Variants in DNAH8 observed in about 807,000 individuals in gnomAD.
The protein encoded by DNAH8 is dynein axonemal heavy chain 8.
Under a neutral mutation model 562.1 loss-of-function variants are expected in DNAH8, and 382 were observed. That is an observed-to-expected ratio of 0.68 (90% CI 0.63 to 0.74). DNAH8 has a LOEUF of 0.74. Among genes scored for constraint, DNAH8 ranks in the 30% least tolerant of loss-of-function variants. The pLI is 0.00. For missense variants in DNAH8, 5,203 were observed against 5,620.4 expected, an observed-to-expected ratio of 0.93 and a Z score of 2.37; for synonymous variants, 1,881 against 1,919.4, an observed-to-expected ratio of 0.98 and a Z score of 0.52.
chr6:38,835,292 C>T (rs531381530), intron 32 of DNAH8, among the ~76,000 whole-genome samples: 23 of 149,604 alleles, frequency 1.5e-4, no homozygotes, highest in African/African-American at 5.0e-4. Context: ...TTTCATGTCC[C>T]CTTTCCCACC....
At chr6:38,987,812 C>T (rs182519810) in intron 87 of DNAH8, among the ~76,000 whole-genome samples, 32 of 152,312 alleles carry the variant, frequency 2.1e-4, no homozygotes, top group Admixed American at 5.9e-4. Flanking sequence ...ATTTCTCTGT[C>T]TAGCTTGGAC....
chr6:38,723,280 C>G, intron 2 of DNAH8, 57 bp from the exon 3 acceptor site: 1 of 1,576,644 alleles, frequency 6.3e-7, no homozygotes, highest in Non-Finnish European at 8.6e-7. Flanking sequence ...AAGTATGAAA[C>G]AGTTTGATAT....
At chr6:38,774,614 G>A (rs1767891305) in intron 12 of DNAH8, among the ~76,000 whole-genome samples, 1 of 152,206 alleles carries the variant, frequency 6.6e-6, no homozygotes, top group Non-Finnish European at 1.5e-5. Context: ...CAACAAAATA[G>A]AGGACATGTT....
At chr6:38,719,855 C>T (rs950710586) in intron 1 of DNAH8, among the ~76,000 whole-genome samples, 1 of 152,130 alleles carries the variant, frequency 6.6e-6, no homozygotes, top group Non-Finnish European at 1.5e-5. Context: ...AAAAATGCAC[C>T]CTGACATTGT....
rs554146382 is a variant in DNAH8, at chr6:38,745,067, G to A, written c.1293+3180G>A. Among the ~76,000 whole-genome samples, 5 of 152,290 alleles carry A rather than the reference G, an allele frequency of 3.3e-5. No homozygotes were observed. In the South Asian group the frequency reaches 1.0e-3, roughly 32 times the overall value. ...TCTCTCAGAGTTGTGTTTGCAGTGAGCAACCTTGAGGGGTCAGTTCACGTG... is the reference window on the plus strand; with the variant it reads ...TCTCTCAGAGTTGTGTTTGCAGTGAACAACCTTGAGGGGTCAGTTCACGTG... On this transcript the variant is annotated intron_variant, in intron 8 of 92. Transcript: ENST00000327475.
intron 79 of DNAH8, among the ~76,000 whole-genome samples, chr6:38,941,450 A>G (rs1783449432): frequency 1.3e-5 from 2 of 152,266 alleles, no homozygotes; most frequent in African/African-American, 4.8e-5. Context: ...TCATGAACAC[A>G]GGTTTTATTT....
chr6:38,815,622 A>G lies in DNAH8; in HGVS notation c.3488A>G (p.His1163Arg). 1 of 1,613,436 alleles carries G rather than the reference A, an allele frequency of 6.2e-7. No homozygotes were observed. Among genetic ancestry groups the G allele is most frequent in the Non-Finnish European group, 8.5e-7 (1 of 1,179,526 alleles). Residue 1163 changes from histidine to arginine, a missense_variant, in exon 26 of 93, where the codon CAT becomes CGT. Transcript: ENST00000327475. ...AGCCCCACCACTACTGACGTGACCC[A>G]TCAAAACACAGGAAAACTGCTGAAG... ...IPSPTTTDVTHQNTGKLLKKE... is the reference protein window; with the variant it reads ...IPSPTTTDVTRQNTGKLLKKE...
chr6:38,785,450 A>G (rs551712819), intron 17 of DNAH8, among the ~76,000 whole-genome samples: 125 of 152,288 alleles, frequency 8.2e-4, no homozygotes, highest in African/African-American at 2.9e-3. Context: ...GTACAGTTTT[A>G]AGGAAGACAG....
At chr6:38,905,426 C>G (rs971563348) in intron 62 of DNAH8, among the ~76,000 whole-genome samples, 1 of 152,186 alleles carries the variant, frequency 6.6e-6, no homozygotes, top group Non-Finnish European at 1.5e-5. Flanking sequence ...ATTATTTATA[C>G]CTTATTGCAC....
intron 1 of DNAH8, among the ~76,000 whole-genome samples, chr6:38,715,960 A>ATTTTTTTT (rs869120118): frequency 4.2e-4 from 10 of 23,622 alleles, no homozygotes; most frequent in African/African-American, 2.2e-3. Flanking sequence ...ATATATATAT[A>ATTTTTTTT]TTTTTTTTTT....
At chr6:38,968,649 T>A (rs995821018) in intron 82 of DNAH8, among the ~76,000 whole-genome samples, 3 of 152,138 alleles carry the variant, frequency 2.0e-5, no homozygotes, top group African/African-American at 7.2e-5. Context: ...TTGGTAAGGA[T>A]GTGGAAAAAT....
Position 38,973,678 on chromosome 6 carries a change from A to G in DNAH8, c.12543A>G (p.Leu4181=). ...MSMQQGGWVL[L]QNCHLGLEFM... ...GGATACAGGGTGGTTGGGTATTACT[A>G]CAAAATTGCCACCTTGGCCTGGAAT... The change falls in exon 84 of 93, where the codon CTA becomes CTG. Residue 4181 remains leucine (L), a synonymous_variant. Coordinates refer to ENST00000327475, the MANE Select transcript of DNAH8 (RefSeq NM_001206927.2). 2 of 1,602,918 alleles carry G rather than the reference A, an allele frequency of 1.2e-6. No individual in the cohort carries two copies. The highest frequency in any genetic ancestry group is 8.5e-7 in the Non-Finnish European group (1 of 1,176,370).
chr6:38,833,014 T>G (rs1255638865), intron 31 of DNAH8, among the ~76,000 whole-genome samples: 2 of 152,122 alleles, frequency 1.3e-5, no homozygotes, highest in African/African-American at 4.8e-5. Context: ...CCATTGATTT[T>G]GCATTCTCAC....
chr6:38,719,877 G>A (rs1170058909), intron 1 of DNAH8, among the ~76,000 whole-genome samples: 7 of 152,148 alleles, frequency 4.6e-5, no homozygotes, highest in Non-Finnish European at 1.0e-4. Flanking sequence ...TTTCAAAATG[G>A]TGGCACAGAA....
rs765566629 is a variant in DNAH8, at chr6:39,012,638, G to T, written c.13714+1G>T. ...ATGACTGGTTTCTTTAATCCCCAAG[G>T]TATGTGCTCATAGGAGATTTGGCAA... On this transcript the variant is annotated splice_donor_variant, in intron 91 of 92. Coordinates refer to ENST00000327475, the MANE Select transcript of DNAH8 (RefSeq NM_001206927.2). LOFTEE classifies it high-confidence loss of function. 7 of 1,611,522 alleles carry T rather than the reference G, an allele frequency of 4.3e-6. No individual in the cohort carries two copies. The Admixed American group carries it at 8.3e-5, about 19-fold the overall frequency.
chr6:38,750,395 G>A (rs1002540589), intron 8 of DNAH8, 81 bp from the exon 9 acceptor site: 47 of 808,360 alleles, frequency 5.8e-5, no homozygotes, highest in Non-Finnish European at 8.0e-5. Context: ...TATGATTAGG[G>A]AAGACTGAAT....
intron 30 of DNAH8, among the ~76,000 whole-genome samples, chr6:38,831,488 C>G (rs1184187999): frequency 1.3e-5 from 2 of 150,956 alleles, no homozygotes; most frequent in African/African-American, 4.9e-5. Context: ...TCCTCTATCT[C>G]TTTAATGGTT....
At chr6:39,027,865 G>A (rs560507567) in intron 92 of DNAH8, among the ~76,000 whole-genome samples, 2 of 152,148 alleles carry the variant, frequency 1.3e-5, no homozygotes, top group Admixed American at 6.5e-5. Context: ...AGGTAGTTGT[G>A]AAGATTTAAA....
intron 85 of DNAH8, among the ~76,000 whole-genome samples, chr6:38,977,974 G>T (rs1169935225): frequency 6.6e-6 from 1 of 152,194 alleles, no homozygotes; most frequent in Non-Finnish European, 1.5e-5. Flanking sequence ...CTGATATGTG[G>T]CAAGAATTGA....
Sources: gnomAD v4.1 joint callset for allele counts (sites outside exome capture counted in the v4.1 genomes callset) on GRCh38, gnomAD v4.1.1 for gene constraint, MANE v1.5 for transcripts, NCBI Gene and HGNC (gene_info 2026-07-23, HGNC 2026-07-21) for gene names.